Variants in UPP2 observed in about 807,000 individuals in gnomAD.
UPP2 encodes uridine phosphorylase 2, also known as UPase 2.
UPP2 carries 23 observed loss-of-function variants against 26.7 expected under a neutral mutation model. The ratio of observed to expected loss-of-function variants is 0.86; its 90% CI spans 0.62 to 1.22. The LOEUF (loss-of-function observed/expected upper bound fraction) is 1.22. UPP2 is among the 50% of genes most tolerant of loss of function. UPP2 has a pLI of 0.00. For synonymous variants in UPP2, 127 were observed against 141.3 expected (o/e 0.90, Z 0.72); for missense variants, 387 against 396.7 (o/e 0.98, Z 0.21).
At chr2:158,030,746 A>G (rs1031011717) in intron 3 of UPP2, among the ~76,000 whole-genome samples, 1 of 152,240 alleles carries the variant, frequency 6.6e-6, no homozygotes, top group African/African-American at 2.4e-5. Flanking sequence ...TAAATGTCCC[A>G]GGGGCAGTTC....
At chr2:157,999,725 A>T (rs1281323215) in intron 2 of UPP2, among the ~76,000 whole-genome samples, 2 of 152,240 alleles carry the variant, frequency 1.3e-5, no homozygotes, top group Non-Finnish European at 2.9e-5. Flanking sequence ...GACTCTATGT[A>T]GGCCTGCATG....
chr2:158,028,522 A>G (rs1201766807), intron 3 of UPP2, among the ~76,000 whole-genome samples: 1 of 152,200 alleles, frequency 6.6e-6, no homozygotes, highest in East Asian at 1.9e-4. Flanking sequence ...GGAAGTTCCA[A>G]ACTTTCCCAT....
intron 6 of UPP2, among the ~76,000 whole-genome samples, chr2:158,124,977 C>CTATG (rs1409651521): frequency 2.0e-5 from 3 of 152,126 alleles, no homozygotes; most frequent in African/African-American, 7.2e-5. Context: ...GCATTTAAAG[C>CTATG]TATGCAATGG....
intron 2 of UPP2, among the ~76,000 whole-genome samples, chr2:158,000,336 C>T (rs150169062): frequency 3.9e-5 from 6 of 152,278 alleles, no homozygotes; most frequent in Non-Finnish European, 7.3e-5. Flanking sequence ...CCTTAATCTA[C>T]TTACAGGGTT....
At chr2:158,132,461 T>G (rs1683839493) in intron 6 of UPP2, among the ~76,000 whole-genome samples, 1 of 152,250 alleles carries the variant, frequency 6.6e-6, no homozygotes. Flanking sequence ...AGCCCTCATT[T>G]AATCATCTGT....
chr2:158,130,890 A>C (rs557359144), intron 6 of UPP2, among the ~76,000 whole-genome samples: 1 of 151,688 alleles, frequency 6.6e-6, no homozygotes, highest in Non-Finnish European at 1.5e-5. Flanking sequence ...TTCTGATGCA[A>C]GAGGCCAGTG....
intron 6 of UPP2, among the ~76,000 whole-genome samples, chr2:158,129,971 G>C (rs1485107960): frequency 6.6e-6 from 1 of 151,910 alleles, no homozygotes; most frequent in African/African-American, 2.4e-5. Context: ...TGTTGTTTTT[G>C]CAAAGTCGAG....
intron 2 of UPP2, among the ~76,000 whole-genome samples, chr2:158,006,283 C>A (rs1318115167): frequency 6.6e-6 from 1 of 152,086 alleles, no homozygotes; most frequent in Non-Finnish European, 1.5e-5. Flanking sequence ...CACGGTGAAA[C>A]CCCGTGTTAT....
intron 3 of UPP2, among the ~76,000 whole-genome samples, chr2:158,075,775 A>G (rs1249407839): frequency 6.6e-6 from 1 of 152,050 alleles, no homozygotes; most frequent in Non-Finnish European, 1.5e-5. Context: ...ATGCATCTTA[A>G]AAAATTAGAA....
At chr2:158,021,149 G>C (rs1207739926) in intron 3 of UPP2, among the ~76,000 whole-genome samples, 1 of 152,136 alleles carries the variant, frequency 6.6e-6, no homozygotes, top group Non-Finnish European at 1.5e-5. Flanking sequence ...CAAAACACAG[G>C]GGTCCCCTGG....
At chr2:158,083,867 T>TATATATA (rs1553467792) in intron 3 of UPP2, among the ~76,000 whole-genome samples, 87 of 145,870 alleles carry the variant, frequency 6.0e-4, no homozygotes, top group African/African-American at 2.0e-3. Context: ...TATATGTTTT[T>TATATATA]TATATATATA....
intron 3 of UPP2, among the ~76,000 whole-genome samples, chr2:158,070,339 A>T (rs1275068305): frequency 1.3e-5 from 2 of 152,160 alleles, no homozygotes; most frequent in East Asian, 3.9e-4. Context: ...TAGACAAGCC[A>T]TCTCTACCTG....
At chr2:158,042,903 C>A (rs1009912258) in intron 3 of UPP2, among the ~76,000 whole-genome samples, 2 of 152,182 alleles carry the variant, frequency 1.3e-5, no homozygotes, top group African/African-American at 2.4e-5. Flanking sequence ...AACAAAGAGG[C>A]CCCTGCCGAG....
chr2:158,018,603 G>A (rs1296862773), intron 3 of UPP2, among the ~76,000 whole-genome samples: 1 of 152,196 alleles, frequency 6.6e-6, no homozygotes, highest in Non-Finnish European at 1.5e-5. Context: ...GGGGAAGGGG[G>A]CTGCATAATC....
At position 158,084,503 on chromosome 2, in the gene UPP2, T is replaced by C. The variant is rs142045563; in HGVS notation, c.148-17537T>C. Among the ~76,000 whole-genome samples the C allele has an allele frequency of 4.5e-3, 683 of 152,312 alleles. 5 individuals carry two copies. The highest frequency in any genetic ancestry group is 0.016 in the African/African-American group (663 of 41,574). ...GCAGAAGCTTTTTCATTTAATTAAG[T>C]CCCATCTATTTATCTTTGTTTATGT... On this transcript the variant is annotated intron_variant, in intron 3 of 9. Coordinates refer to the UPP2 transcript ENST00000605860.
intron 3 of UPP2, among the ~76,000 whole-genome samples, chr2:158,056,448 C>A (rs57501902): frequency 0.031 from 4,767 of 152,262 alleles, 141 homozygotes; most frequent in East Asian, 0.14. Flanking sequence ...TTCCTATGAC[C>A]GCTGTAAAAA....
intron 3 of UPP2, among the ~76,000 whole-genome samples, chr2:158,117,004 T>G (rs1194490953): frequency 6.6e-6 from 1 of 152,000 alleles, no homozygotes; most frequent in East Asian, 1.9e-4. Flanking sequence ...TTTTCCAAAG[T>G]CTTTGTGTCC....
intron 3 of UPP2, among the ~76,000 whole-genome samples, chr2:158,061,034 T>C (rs1209368474): frequency 6.6e-6 from 1 of 152,246 alleles, no homozygotes; most frequent in Non-Finnish European, 1.5e-5. Context: ...TTCAGTGAAC[T>C]GGTAGAAACT....
chr2:158,096,573 T>C (rs1682988817), intron 3 of UPP2, among the ~76,000 whole-genome samples: 1 of 152,120 alleles, frequency 6.6e-6, no homozygotes, highest in Non-Finnish European at 1.5e-5. Context: ...CACTCCAGCC[T>C]AGCTGACAGA....
Sources: allele counts gnomAD v4.1 joint callset (sites outside exome capture counted in the v4.1 genomes callset), GRCh38; gene constraint gnomAD v4.1.1; transcripts MANE v1.5; gene names NCBI Gene and HGNC (gene_info 2026-07-23, HGNC 2026-07-21).